Variants in ZNF81 observed in about 807,000 individuals in gnomAD.
ZNF81 encodes the protein zinc finger protein 81 (HFZ20).
ZNF81 carries 5 observed loss-of-function variants against 32.3 expected under a neutral mutation model. The observed-to-expected ratio is 0.15, with a 90% CI of 0.08 to 0.33. The LOEUF (loss-of-function observed/expected upper bound fraction) is 0.33, where lower values mean the gene tolerates loss of function less well. ZNF81 is among the 10% of genes least tolerant of loss of function. The pLI is 1.00. For missense variants in ZNF81, 379 were observed against 479.8 expected (o/e 0.79, Z 1.96); for synonymous variants, 163 against 166.8 (o/e 0.98, Z 0.17).
chrX:47,886,034 T>A (rs1263177168), intron 2 of ZNF81, among the ~76,000 whole-genome samples: 1 of 112,663 alleles, frequency 8.9e-6, no homozygotes, highest in African/African-American at 3.2e-5. Flanking sequence ...TTCAGTTTTT[T>A]AAAATAGTTT....
At chrX:47,872,023 A>G (rs782048839) in intron 2 of ZNF81, among the ~76,000 whole-genome samples, 12 of 112,472 alleles carry the variant, frequency 1.1e-4, no homozygotes, top group African/African-American at 1.6e-4. Flanking sequence ...AGTTATTCAA[A>G]AGCCTCTTCG....
In ZNF81 at chrX:47,920,582, A is replaced by G. The variant is rs1173540847; in HGVS notation, c.*3950A>G. ...AATCTTTAACTGTGTCCTGAGGGCAACAGGGTTTGCTGCACTTCTTTTAGT... is the reference window on the plus strand; with the variant it reads ...AATCTTTAACTGTGTCCTGAGGGCAGCAGGGTTTGCTGCACTTCTTTTAGT... On this transcript the variant is annotated 3_prime_UTR_variant, in exon 5 of 5. Transcript: ENST00000338637. 3 of 110,767 alleles carry G rather than the reference A, an allele frequency of 2.7e-5. No individual in the cohort carries two copies. The allele number at this position is 110,767 out of a possible 1,213,427, so 9.1% of individuals were successfully genotyped here.
At position 47,836,979 on chromosome X, in the gene ZNF81, G is replaced by A. The variant is rs1556879150; in HGVS notation, c.-172G>A. The A allele has an allele frequency of 5.2e-6, 1 of 190,529 alleles. No individual in the cohort carries two copies. The highest frequency in any genetic ancestry group is 3.0e-5 in the African/African-American group (1 of 33,892). 15.7% of individuals were successfully genotyped at this position (190,529 alleles called of 1,213,427 possible). A position where few individuals can be genotyped will look rare whatever the true frequency, so the allele number is the denominator to read the frequency against. On this transcript the variant is annotated 5_prime_UTR_variant, in exon 1 of 5. Coordinates refer to ENST00000338637, the MANE Select transcript of ZNF81 (RefSeq NM_007137.5). ...GAGGATTCGACGTTCAGTGCCCAGG[G>A]ATGTGGAGGTGATGGGGGGCCGGGG...
chrX:47,867,147 T>C (rs782005240), intron 2 of ZNF81, among the ~76,000 whole-genome samples: 3 of 111,559 alleles, frequency 2.7e-5, no homozygotes, highest in Non-Finnish European at 3.8e-5. Context: ...AGCTAATGCA[T>C]GCTGGGCTTA....
chrX:47,841,603 CTGCTTTGCCTGGGT>C, intron 1 of ZNF81: 1 of 1,081,158 alleles, frequency 9.2e-7, no homozygotes, highest in Non-Finnish European at 1.3e-6. Context: ...CCAAAAGTGC[CTGCTTTGCCTGGGT>C]GGCTTTGAGG....
At chrX:47,865,663 G>A (rs1220614704) in intron 2 of ZNF81, among the ~76,000 whole-genome samples, 1 of 111,899 alleles carries the variant, frequency 8.9e-6, no homozygotes, top group Non-Finnish European at 1.9e-5. Context: ...CAATATAAAG[G>A]ATCTAGTAGA....
At position 47,925,589 on chromosome X, in the gene ZNF81, G is replaced by T. The variant is rs1330535417; in HGVS notation, c.*8957G>T. On this transcript the variant is annotated 3_prime_UTR_variant, in exon 5 of 5. Coordinates refer to ENST00000338637, the MANE Select transcript of ZNF81 (RefSeq NM_007137.5). Reference sequence around the variant, plus strand: ...TGGAAATTTGTATTTCCAGCTTTTGGCTATTACAAATAAAACTGATGTGAA... The same window carrying T: ...TGGAAATTTGTATTTCCAGCTTTTGTCTATTACAAATAAAACTGATGTGAA... Among the ~76,000 whole-genome samples, 1 of 111,756 alleles carries T rather than the reference G, an allele frequency of 8.9e-6. No individual in the cohort carries two copies. The highest frequency in any genetic ancestry group is 1.9e-5 in the Non-Finnish European group (1 of 53,054).
In ZNF81 at chrX:47,879,494, C is replaced by T. The variant is rs782729450; in HGVS notation, c.55-8505C>T. On this transcript the variant is annotated intron_variant, in intron 2 of 4. Transcript: ENST00000338637. ...AGCCGGAGTGTTAGCAGTTGTGCTG[C>T]TTCTCTAAGCCTCAGTTTCCACAAG... Among the ~76,000 whole-genome samples the T allele has an allele frequency of 1.4e-4, 16 of 112,075 alleles. No homozygotes were observed. The South Asian group carries it at 5.6e-3, about 39-fold the overall frequency.
chrX:47,868,260 C>T (rs1302290986), intron 2 of ZNF81, among the ~76,000 whole-genome samples: 1 of 111,841 alleles, frequency 8.9e-6, no homozygotes, highest in African/African-American at 3.3e-5. Flanking sequence ...TAAATTAATC[C>T]AATGACATTA....
intron 2 of ZNF81, among the ~76,000 whole-genome samples, chrX:47,883,371 C>T (rs2058628459): frequency 3.6e-5 from 4 of 112,145 alleles, no homozygotes; most frequent in African/African-American, 1.3e-4. Context: ...TTCTCAATAG[C>T]GTCTTTTGAT....
At chrX:47,901,852 C>T (rs782308588) in intron 4 of ZNF81, among the ~76,000 whole-genome samples, 1 of 111,015 alleles carries the variant, frequency 9.0e-6, no homozygotes, top group South Asian at 3.7e-4. Context: ...CATGCCTGCT[C>T]TGTTTTCTGA....
chrX:47,852,415 CA>C (rs1178090972), intron 2 of ZNF81, among the ~76,000 whole-genome samples: 3 of 112,262 alleles, frequency 2.7e-5, no homozygotes, highest in Non-Finnish European at 3.8e-5. Context: ...ATTTTACCCA[CA>C]GTAGAAATCC....
intron 3 of ZNF81, among the ~76,000 whole-genome samples, chrX:47,888,831 G>A (rs781959535): frequency 4.5e-5 from 5 of 111,502 alleles, no homozygotes; most frequent in Non-Finnish European, 7.5e-5. Flanking sequence ...GAATGTTAAA[G>A]GTACTTTTAG....
At chrX:47,891,684 C>G (rs1556886490) in intron 3 of ZNF81, among the ~76,000 whole-genome samples, 1 of 112,048 alleles carries the variant, frequency 8.9e-6, no homozygotes, top group African/African-American at 3.2e-5. Context: ...TGGACCTCAA[C>G]TAAAACTCCA....
Position 47,916,207 on chromosome X carries a change from A to T in ZNF81, c.1561A>T (p.Thr521Ser). Residue 521 changes from threonine (T) to serine (S), a missense_variant, in exon 5 of 5, where the codon ACT becomes TCT. This residue lies in a region of ZNF81 where 102 missense variants were observed against 173.2 expected (regional missense o/e 0.59). Transcript: ENST00000338637. ...SNLNTHQKSH[T>S]GEKSYICAEC... ...TCTCAATACTCACCAGAAGTCTCAT[A>T]CTGGAGAAAAGTCTTATATATGTGC... is the stretch of plus-strand genomic sequence containing the variant. The T allele has an allele frequency of 8.3e-7, 1 of 1,211,559 alleles. No individual in the cohort carries two copies. Among genetic ancestry groups the T allele is most frequent in the Non-Finnish European group, 1.1e-6 (1 of 895,396 alleles).
intron 3 of ZNF81, 177 bp downstream of exon 3, chrX:47,888,302 T>A: frequency 1.6e-6 from 1 of 633,442 alleles, no homozygotes; most frequent in Non-Finnish European, 2.4e-6. Context: ...GGCTTTAATC[T>A]AATATAATTG....
chrX:47,897,901 G>A (rs782700457), intron 4 of ZNF81, among the ~76,000 whole-genome samples: 28 of 111,545 alleles, frequency 2.5e-4, no homozygotes, highest in African/African-American at 7.2e-4. Flanking sequence ...ATTTAGGTTC[G>A]ATGAAGCCAA....
At chrX:47,895,724 C>T in intron 3 of ZNF81, 121 bp from the exon 4 acceptor site, 1 of 555,470 alleles carries the variant, frequency 1.8e-6, no homozygotes, top group Non-Finnish European at 3.1e-6. Context: ...GTCTGAGATT[C>T]TTCAGTCCCT....
intron 3 of ZNF81, 131 bp downstream of exon 3, chrX:47,888,256 C>G: frequency 1.1e-6 from 1 of 909,868 alleles, no homozygotes; most frequent in Non-Finnish European, 1.5e-6. Flanking sequence ...AGAGTCTTTA[C>G]AGAAGTAATC....
Sources: gnomAD v4.1 joint callset for allele counts (sites outside exome capture counted in the v4.1 genomes callset) on GRCh38, gnomAD v4.1.1 for gene constraint, gnomAD v4.1.1 regional missense constraint, MANE v1.5 for transcripts, NCBI Gene and HGNC (gene_info 2026-07-23, HGNC 2026-07-21) for gene names.